The following FCN2 variants were observed in gnomAD, a reference collection of about 807,000 sequenced individuals.
FCN2 encodes ficolin-2.
A neutral mutation model predicts 32.5 loss-of-function variants in FCN2; 31 were observed. The ratio of observed to expected loss-of-function variants is 0.96; its 90% CI spans 0.72 to 1.29. The LOEUF is 1.29. Among genes scored for constraint, FCN2 ranks in the 50% most tolerant of loss-of-function variants. The pLI is 0.00. For synonymous variants in FCN2, 181 were observed against 164.5 expected (o/e 1.10, Z -0.77); for missense variants, 412 against 406.5 (o/e 1.01, Z -0.12).
At chr9:134,868,288 G>A in the FCN2 span, 4 of 152,790 alleles carry the variant, frequency 2.6e-5, no homozygotes, top group East Asian at 7.7e-4. This position sits in a 1 kb window ranked among gnomAD's most constrained non-coding sequence, Gnocchi z 4.3. Flanking sequence ...GACAACGACC[G>A]AGATGCTGAA....
chr9:134,867,846 C>G, the FCN2 span, among the ~76,000 whole-genome samples: 1 of 152,104 alleles, frequency 6.6e-6, no homozygotes, highest in South Asian at 2.1e-4. Context: ...GCCCCAATTC[C>G]CCAAGTTTCT....
At chr9:134,864,973 G>A in the FCN2 span, among the ~76,000 whole-genome samples, 3 of 152,230 alleles carry the variant, frequency 2.0e-5, no homozygotes, top group African/African-American at 4.8e-5. Flanking sequence ...CAGAAGGGCC[G>A]TCGTGAGAGT....
In FCN2 at chr9:134,885,377, G is replaced by C; in HGVS notation, c.429+11G>C. The C allele has an allele frequency of 6.2e-7, 1 of 1,612,904 alleles. No individual in the cohort carries two copies. On this transcript the variant is annotated intron_variant, in intron 5 of 7. Coordinates refer to ENST00000291744, the MANE Select transcript of FCN2 (RefSeq NM_004108.3). The stretch of plus-strand genomic sequence containing the variant: ...GGAGGGGGCTGGACCGTGAGTGTGG[G>C]GCTGGGCAGAGGCGGTCAGCCTGGG...
In FCN2 at chr9:134,886,548, C is replaced by G; in HGVS notation, c.678C>G (p.Phe226Leu). The change falls in exon 7 of 8, where the codon TTC becomes TTG. Residue 226 changes from phenylalanine (F) to leucine (L), a missense_variant. Coordinates refer to ENST00000291744, the MANE Select transcript of FCN2 (RefSeq NM_004108.3). ...AGTACAATCTGGTCCTGGGGGCCTT[C>G]GTGGAGGGCAGTGCGGGTGAGTGTC... ...AEKYNLVLGA[F>L]VEGSAGDSLT... is the part of the protein sequence containing the mutation. 1 of 1,614,052 alleles carries G rather than the reference C, an allele frequency of 6.2e-7. No individual in the cohort carries two copies. The highest frequency in any genetic ancestry group is 8.5e-7 in the Non-Finnish European group (1 of 1,179,990).
the FCN2 span, among the ~76,000 whole-genome samples, chr9:134,871,403 CCCA>C: frequency 6.6e-6 from 1 of 152,206 alleles, no homozygotes; most frequent in Non-Finnish European, 1.5e-5. Flanking sequence ...TCTCGCGGGT[CCCA>C]CCTGTCAGGT....
At chr9:134,884,832 G>A (rs528843170) in intron 4 of FCN2, 60 bp downstream of exon 4, 3 of 1,497,210 alleles carry the variant, frequency 2.0e-6, no homozygotes, top group South Asian at 2.3e-5. Flanking sequence ...TGGAAGTCCA[G>A]GGTCATACGA....
intron 7 of FCN2, 134 bp downstream of exon 7, chr9:134,886,698 G>A (rs1830763637): frequency 2.0e-6 from 2 of 980,990 alleles, no homozygotes; most frequent in Admixed American, 2.1e-5. Flanking sequence ...ATCTCTACAT[G>A]CAGACACTAA....
chr9:134,876,098 AC>A (rs1218650688), upstream of FCN2, among the ~76,000 whole-genome samples: 2 of 152,232 alleles, frequency 1.3e-5, no homozygotes, highest in Non-Finnish European at 2.9e-5. Flanking sequence ...TAAGAGGTAA[AC>A]AAACATTCTA....
Position 134,885,326 on chromosome 9 carries a change from C to G in FCN2, c.389C>G (p.Thr130Ser), listed in dbSNP as rs1044999464. 3.7e-6 allele frequency: 6 copies of G among 1,614,116 alleles called. 1 individual carries two copies. In the African/African-American group the frequency reaches 4.0e-5, roughly 11 times the overall value. ...TACCTGCCCGACTGCCGGCCCCTGA[C>G]TGTGCTCTGTGACATGGACACGGAC... ...TIYLPDCRPL[T>S]VLCDMDTDGG... Residue 130 changes from threonine (T) to serine (S), a missense_variant, in exon 5 of 8, where the codon ACT becomes AGT. Thr to Ser is a moderately conservative substitution (Grantham distance 58). Coordinates refer to ENST00000291744, the MANE Select transcript of FCN2 (RefSeq NM_004108.3).
chr9:134,883,301 G>C lies in FCN2; in HGVS notation c.215-1G>C. The C allele has an allele frequency of 6.2e-7, 1 of 1,612,602 alleles. No individual in the cohort carries two copies. The highest frequency in any genetic ancestry group is 8.5e-7 in the Non-Finnish European group (1 of 1,178,662). The stretch of plus-strand genomic sequence containing the variant: ...CAAGTCAGTGTCTTTGGAAATTGCA[G>C]GAGAACGTGGCCCCCCTGGACCTCC... On this transcript the variant is annotated splice_acceptor_variant, in intron 2 of 7. Transcript: ENST00000291744. LOFTEE classifies it high-confidence loss of function.
At chr9:134,882,346 G>A (rs1233520984) in intron 1 of FCN2, among the ~76,000 whole-genome samples, 180 bp from the exon 2 acceptor site, 1 of 152,244 alleles carries the variant, frequency 6.6e-6, no homozygotes, top group Admixed American at 6.5e-5. Context: ...GCCCACCAGG[G>A]CAGGAAAACC....
chr9:134,882,587 G>C lies in FCN2; in HGVS notation c.162G>C (p.Gly54=). 6.2e-7 allele frequency: 1 copy of C among 1,614,164 alleles called. No homozygotes were observed. Among genetic ancestry groups the C allele is most frequent in the Non-Finnish European group, 8.5e-7 (1 of 1,180,026 alleles). Residue 54 remains glycine (G), a synonymous_variant, in exon 2 of 8, where the codon GGG becomes GGC. Coordinates refer to ENST00000291744, the MANE Select transcript of FCN2 (RefSeq NM_004108.3). ...DKLTILRGCP[G]LPGAPGPKGE... is the part of the protein sequence containing the mutation. ...TCACCATTCTCCGAGGCTGTCCGGGGCTGCCTGGGGCCCCTGGGCCCAAGG... is the reference window on the plus strand; with the variant it reads ...TCACCATTCTCCGAGGCTGTCCGGGCCTGCCTGGGGCCCCTGGGCCCAAGG...
chr9:134,867,546 C>T, the FCN2 span, among the ~76,000 whole-genome samples: 9 of 147,368 alleles, frequency 6.1e-5, no homozygotes, highest in South Asian at 2.2e-4. Context: ...TGCTAGATGA[C>T]GAGTTAGTGG....
chr9:134,868,034 A>G, the FCN2 span, among the ~76,000 whole-genome samples: 469 of 152,312 alleles, frequency 3.1e-3, 5 homozygotes, highest in African/African-American at 0.011. This position sits in a 1 kb window ranked among gnomAD's most constrained non-coding sequence, Gnocchi z 4.3. Context: ...GAGTTAAGTG[A>G]TCTGCCACAG....
Position 134,886,425 on chromosome 9 carries a change from A to G in FCN2, c.560-5A>G, listed in dbSNP as rs1422347476. On this transcript the variant is annotated splice_polypyrimidine_tract_variant and splice_region_variant and intron_variant, in intron 6 of 7. Transcript: ENST00000291744. ...CGCTGAGACCCTGAAACCTTTCTCT[A>G]ACAGGAACCAGCGAGCTCCGTGTAG... 12 of 1,614,162 alleles carry G rather than the reference A, an allele frequency of 7.4e-6. No homozygotes were observed. The highest frequency in any genetic ancestry group is 1.3e-5 in the African/African-American group (1 of 75,054).
rs756661706 is a variant in FCN2 at position 134,883,370 on chromosome 9, A to G, written c.268+15A>G. On this transcript the variant is annotated intron_variant, in intron 3 of 7. Coordinates refer to ENST00000291744, the MANE Select transcript of FCN2 (RefSeq NM_004108.3). ...TGGGCCCAACGGTAAGGAGGGGACA[A>G]GAGTGAGAAGCGGCTTCAAGGCCCT... The G allele has an allele frequency of 1.9e-6, 3 of 1,611,734 alleles. No individual in the cohort carries two copies. The highest frequency in any genetic ancestry group is 2.5e-6 in the Non-Finnish European group (3 of 1,178,046).
chr9:134,883,153 G>T, intron 2 of FCN2, 149 bp from the exon 3 acceptor site: 2 of 754,752 alleles, frequency 2.6e-6, no homozygotes, highest in Non-Finnish European at 2.4e-6. Context: ...TCTGGTGCAG[G>T]ATGGGCAAGC....
At chr9:134,878,978 G>A (rs1830628117), upstream of FCN2, among the ~76,000 whole-genome samples, 1 of 152,112 alleles carries the variant, frequency 6.6e-6, no homozygotes, top group Non-Finnish European at 1.5e-5. Context: ...CCTTAACTTA[G>A]CCAACTAAAC....
chr9:134,876,423 C>T (rs1830604106), upstream of FCN2, among the ~76,000 whole-genome samples: 1 of 152,078 alleles, frequency 6.6e-6, no homozygotes, highest in Admixed American at 6.6e-5. Context: ...GCTGGGCTCT[C>T]TATTCTGTAG....
Sources: gnomAD v4.1 joint callset for allele counts (sites outside exome capture counted in the v4.1 genomes callset) on GRCh38, gnomAD v4.1.1 for gene constraint, Gnocchi (gnomAD v3.1) non-coding constraint, MANE v1.5 for transcripts, NCBI Gene and HGNC (gene_info 2026-07-23, HGNC 2026-07-21) for gene names.